The following CENPU variants were observed in gnomAD, a reference collection of about 807,000 sequenced individuals.
CENPU encodes KSHV latent nuclear antigen interacting protein 1.
A neutral mutation model predicts 56.7 loss-of-function variants in CENPU; 46 were observed. The observed-to-expected ratio is 0.81, with a 90% CI of 0.64 to 1.04. The LOEUF (loss-of-function observed/expected upper bound fraction) is 1.04. Among genes scored for constraint, CENPU ranks in the 50% least tolerant of loss-of-function variants. The pLI, the probability that CENPU is intolerant of heterozygous loss-of-function variation, is 0.00. For missense variants in CENPU, 510 were observed against 490.1 expected, an observed-to-expected ratio of 1.04 and a Z score of -0.38; for synonymous variants, 166 against 163.0, an observed-to-expected ratio of 1.02 and a Z score of -0.14.
intron 10 of CENPU, among the ~76,000 whole-genome samples, chr4:184,701,164 G>A (rs1368111631): frequency 6.6e-6 from 1 of 152,144 alleles, no homozygotes; most frequent in Non-Finnish European, 1.5e-5. Flanking sequence ...ACTGGACCCT[G>A]TGACCTGTAA....
Position 184,702,088 on chromosome 4 carries a change from C to CGTAA in CENPU, c.924_924+1insTTAC (p.Met309LeufsTer15). 6.3e-7 allele frequency: 1 copy of CGTAA among 1,597,372 alleles called. No homozygotes were observed. Among genetic ancestry groups the CGTAA allele is most frequent in the South Asian group, 1.1e-5 (1 of 90,428 alleles). On this transcript the variant is annotated frameshift_variant and splice_region_variant. Coordinates refer to ENST00000281453, the MANE Select transcript of CENPU (RefSeq NM_024629.4). LOFTEE classifies it high-confidence loss of function. ...TGACTCTAATCACATAAATAATTTACCTTAGCATTCTTCCTTTTCAGATTT... is the reference window on the plus strand; with the variant it reads ...TGACTCTAATCACATAAATAATTTACGTAACTTAGCATTCTTCCTTTTCAGATTT...
chr4:184,705,905 T>A (rs902125728), intron 8 of CENPU, among the ~76,000 whole-genome samples: 1 of 152,198 alleles, frequency 6.6e-6, no homozygotes, highest in South Asian at 2.1e-4. Context: ...TTCGAAGTAG[T>A]CAACTTCATA....
intron 1 of CENPU, 110 bp downstream of exon 1, chr4:184,733,906 G>T: frequency 3.4e-6 from 5 of 1,451,136 alleles, no homozygotes; most frequent in South Asian, 2.3e-5. Flanking sequence ...CCACTCGGGC[G>T]ACCTCCACAG....
Position 184,717,140 on chromosome 4 carries a change from T to G in CENPU, c.377A>C (p.Lys126Thr). 1 of 1,609,722 alleles carries G rather than the reference T, an allele frequency of 6.2e-7. No individual in the cohort carries two copies. Among genetic ancestry groups the G allele is most frequent in the Non-Finnish European group, 8.5e-7 (1 of 1,177,602 alleles). Reference sequence around the variant, plus strand: ...AGAGTGAATACTCCTACATACCTTTTTTGCACTAATTTTTACAGATTCGAT... The same window carrying G: ...AGAGTGAATACTCCTACATACCTTTGTTGCACTAATTTTTACAGATTCGAT... ...SEIESVKISA[K>T]KPGRKLRPIS... The change falls in exon 5 of 13, where the codon AAA (lysine) becomes ACA (threonine). Residue 126 changes from lysine (K) to threonine (T), a missense_variant. Lys to Thr is a moderately conservative substitution (Grantham distance 78). Transcript: ENST00000281453.
chr4:184,729,901 A>C (rs1213662306), intron 2 of CENPU, among the ~76,000 whole-genome samples: 1 of 152,252 alleles, frequency 6.6e-6, no homozygotes, highest in Non-Finnish European at 1.5e-5. Context: ...CTATTAACAG[A>C]TACAAAAATA....
intron 10 of CENPU, 57 bp from the exon 11 acceptor site, chr4:184,700,938 C>A: frequency 7.3e-7 from 1 of 1,368,280 alleles, no homozygotes. Context: ...AGCACTGCCA[C>A]ATAAGCTGCC....
intron 4 of CENPU, among the ~76,000 whole-genome samples, chr4:184,721,560 G>T (rs1411854898): frequency 2.1e-5 from 3 of 145,290 alleles, no homozygotes; most frequent in Admixed American, 1.4e-4. Flanking sequence ...TATGGAAAAA[G>T]ATATTCCATT....
rs1025603297 is a variant in CENPU at position 184,699,499 on chromosome 4, G to A, written c.986+1321C>T. On this transcript the variant is annotated intron_variant, in intron 11 of 12. Coordinates refer to ENST00000281453, the MANE Select transcript of CENPU (RefSeq NM_024629.4). ...GTTTAGGAAAGTGCCCTGCCACACA[G>A]GAAGCTTGTAAATGTTAGCTTTCCC... is the stretch of plus-strand genomic sequence containing the variant. 9 of 1,182,576 alleles carry A rather than the reference G, an allele frequency of 7.6e-6. No homozygotes were observed. The East Asian group carries it at 5.1e-4, about 67-fold the overall frequency. The allele number at this position is 1,182,576 out of a possible 1,614,324, so 73.3% of individuals were successfully genotyped here.
chr4:184,695,571 G>A (rs1760258025), intron 12 of CENPU, among the ~76,000 whole-genome samples, 170 bp from the exon 13 acceptor site: 1 of 152,136 alleles, frequency 6.6e-6, no homozygotes, highest in African/African-American at 2.4e-5. Context: ...ATTTCCCTTA[G>A]AATATAATTG....
intron 12 of CENPU, among the ~76,000 whole-genome samples, chr4:184,696,734 TTTC>T (rs1760342183): frequency 6.6e-6 from 1 of 151,442 alleles, no homozygotes; most frequent in Non-Finnish European, 1.5e-5. Flanking sequence ...CAAATACAAA[TTTC>T]TTTCCTAGAA....
At chr4:184,695,497 CT>C (rs1353412047) in intron 12 of CENPU, 96 bp from the exon 13 acceptor site, 4 of 756,746 alleles carry the variant, frequency 5.3e-6, no homozygotes, top group African/African-American at 1.7e-5. Context: ...TTTGATTGAG[CT>C]TTCCATTAAC....
Position 184,694,553 on chromosome 4 carries a change from A to AAAC in CENPU, c.*732_*734dup, listed in dbSNP as rs768145076. The AAAC allele has an allele frequency of 3.1e-5, 50 of 1,613,328 alleles. No homozygotes were observed. Among genetic ancestry groups the AAAC allele is most frequent in the Non-Finnish European group, 4.0e-5 (47 of 1,179,890 alleles). On this transcript the variant is annotated 3_prime_UTR_variant, in exon 13 of 13. Coordinates refer to ENST00000281453, the MANE Select transcript of CENPU (RefSeq NM_024629.4). Reference sequence around the variant, plus strand: ...GAGTTTACAACAGATGAAGCAGATGAAACTAGGAGCAATGAAACCCAGAAT... The same window carrying AAAC: ...GAGTTTACAACAGATGAAGCAGATGAAACAACTAGGAGCAATGAAACCCAGAAT...
At chr4:184,710,355 C>T in intron 7 of CENPU, 175 bp from the exon 8 acceptor site, 2 of 424,844 alleles carry the variant, frequency 4.7e-6, no homozygotes, top group Admixed American at 4.2e-5. Context: ...TCTCGCAAAC[C>T]CCTACATACA....
chr4:184,730,793 T>C, intron 2 of CENPU, 127 bp downstream of exon 2: 1 of 606,838 alleles, frequency 1.6e-6, no homozygotes, highest in Non-Finnish European at 2.8e-6. Flanking sequence ...GTGAGGAAAA[T>C]GAACACACTT....
chr4:184,694,830 T>C lies in CENPU; in HGVS notation c.*458A>G, dbSNP rs895649470. On this transcript the variant is annotated 3_prime_UTR_variant, in exon 13 of 13. Coordinates refer to ENST00000281453, the MANE Select transcript of CENPU (RefSeq NM_024629.4). ...ACCAGGCTATAATTTGCCTGATGTC[T>C]GTGAGATTTGATAAATATATCATTC... 1 of 1,443,428 alleles carries C rather than the reference T, an allele frequency of 6.9e-7. No homozygotes were observed. Among genetic ancestry groups the C allele is most frequent in the Non-Finnish European group, 9.6e-7 (1 of 1,040,832 alleles). The allele number at this position is 1,443,428 out of a possible 1,614,324, so 89.4% of individuals were successfully genotyped here. A position where few individuals can be genotyped will look rare whatever the true frequency, so the allele number is the denominator to read the frequency against.
chr4:184,731,504 G>A (rs1375732823), intron 1 of CENPU, among the ~76,000 whole-genome samples: 2 of 152,148 alleles, frequency 1.3e-5, no homozygotes, highest in South Asian at 2.1e-4. Context: ...TGATAAAGTT[G>A]TATATATATC....
chr4:184,709,467 C>T (rs1326603633), intron 8 of CENPU, among the ~76,000 whole-genome samples: 1 of 145,680 alleles, frequency 6.9e-6, no homozygotes, highest in African/African-American at 2.6e-5. Context: ...AGCCTGGAGA[C>T]AGAGAGAGAC....
intron 9 of CENPU, 48 bp from the exon 10 acceptor site, chr4:184,702,184 T>C (rs781360227): frequency 4.9e-6 from 7 of 1,432,004 alleles, no homozygotes; most frequent in African/African-American, 2.9e-5. Context: ...CAAAAGTAAA[T>C]GTTAATTAGT....
In CENPU at chr4:184,710,182, T is replaced by G. The variant is rs1258791514; in HGVS notation, c.689-2A>C. 6.3e-7 allele frequency: 1 copy of G among 1,582,788 alleles called. No homozygotes were observed. Among genetic ancestry groups the G allele is most frequent in the Non-Finnish European group, 8.7e-7 (1 of 1,154,780 alleles). Reference sequence around the variant, plus strand: ...AAATGTGCACAATGTCAGAAGTATCTAAAATATTAAGATAAGTTAACATGC... The same window carrying G: ...AAATGTGCACAATGTCAGAAGTATCGAAAATATTAAGATAAGTTAACATGC... On this transcript the variant is annotated splice_acceptor_variant, in intron 7 of 12. Coordinates refer to ENST00000281453, the MANE Select transcript of CENPU (RefSeq NM_024629.4). LOFTEE classifies it high-confidence loss of function.
Sources: gnomAD v4.1 joint callset for allele counts (sites outside exome capture counted in the v4.1 genomes callset) on GRCh38, gnomAD v4.1.1 for gene constraint, MANE v1.5 for transcripts, NCBI Gene and HGNC (gene_info 2026-07-23, HGNC 2026-07-21) for gene names.